Variants in CACNA1E observed in about 807,000 individuals in gnomAD.
CACNA1E encodes calcium voltage-gated channel subunit alpha1 E.
A neutral mutation model predicts 259.2 loss-of-function variants in CACNA1E; 40 were observed. The ratio of observed to expected loss-of-function variants is 0.15; its 90% CI spans 0.12 to 0.20. CACNA1E has a LOEUF of 0.20. Among genes scored for constraint, CACNA1E ranks in the 10% least tolerant of loss-of-function variants. CACNA1E has a pLI of 1.00. For synonymous variants in CACNA1E, 1,104 were observed against 1,138.5 expected (o/e 0.97, Z 0.61); for missense variants, 1,874 against 3,040.1 (o/e 0.62, Z 9.02).
intron 1 of CACNA1E, among the ~76,000 whole-genome samples, chr1:181,333,321 C>T (rs1242864057): frequency 6.6e-6 from 1 of 152,194 alleles, no homozygotes; most frequent in African/African-American, 2.4e-5. Flanking sequence ...CTGTGCCCAT[C>T]TTCTGGGGTC....
chr1:181,578,971 C>A (rs1006036398), intron 4 of CACNA1E, 101 bp from the exon 5 acceptor site: 1 of 997,406 alleles, frequency 1.0e-6, no homozygotes, highest in Non-Finnish European at 1.5e-6. Context: ...CAGAGGCAGA[C>A]GGCAGCATGG....
chr1:181,483,468 C>G (rs908478777), upstream of CACNA1E: 8 of 321,900 alleles, frequency 2.5e-5, no homozygotes, highest in Admixed American at 3.8e-4. Flanking sequence ...TGGGCACCCC[C>G]AAGCCCTACC....
chr1:181,439,386 G>A (rs1425377383), intron 2 of CACNA1E, among the ~76,000 whole-genome samples: 1 of 150,614 alleles, frequency 6.6e-6, no homozygotes, highest in East Asian at 1.9e-4. Context: ...TGCCCTGCTT[G>A]AGTAGGCCAT....
intron 1 of CACNA1E, among the ~76,000 whole-genome samples, chr1:181,406,510 C>G (rs1009143080): frequency 2.0e-5 from 3 of 152,096 alleles, no homozygotes; most frequent in African/African-American, 7.2e-5. Context: ...AATTCTCTGC[C>G]TCAGCCTCCT....
intron 7 of CACNA1E, among the ~76,000 whole-genome samples, chr1:181,705,059 G>A (rs1046340510): frequency 1.3e-5 from 2 of 152,174 alleles, no homozygotes; most frequent in South Asian, 2.1e-4. Flanking sequence ...GTGAATGACC[G>A]AAGACCCTCC....
intron 6 of CACNA1E, among the ~76,000 whole-genome samples, chr1:181,614,478 A>G (rs1174485791): frequency 6.6e-6 from 1 of 152,214 alleles, no homozygotes; most frequent in Non-Finnish European, 1.5e-5. Flanking sequence ...ACTTTTTACT[A>G]CAGCATGCAA....
chr1:181,342,084 C>T lies in CACNA1E; in HGVS notation c.-15+23961C>T, dbSNP rs74418172. 4.0e-3 allele frequency among the ~76,000 whole-genome samples: 610 copies of T among 152,214 alleles called. 1 individual carries two copies. Among genetic ancestry groups the T allele is most frequent in the South Asian group, 6.8e-3 (33 of 4,818 alleles). On this transcript the variant is annotated intron_variant, in intron 1 of 11. Transcript: ENST00000524607. ...AGTGGTCTGAGGAAGTGATATTTGACTCTAGACTTGAATGGTAAGAAGGGG... is the reference window on the plus strand; with the variant it reads ...AGTGGTCTGAGGAAGTGATATTTGATTCTAGACTTGAATGGTAAGAAGGGG...
intron 1 of CACNA1E, among the ~76,000 whole-genome samples, chr1:181,340,566 T>C (rs1020097025): frequency 6.6e-6 from 1 of 152,220 alleles, no homozygotes; most frequent in African/African-American, 2.4e-5. Flanking sequence ...TTTCCACTTG[T>C]TCAAGTTCTT....
chr1:181,780,403 A>G (rs572929618), intron 38 of CACNA1E, among the ~76,000 whole-genome samples: 26 of 152,270 alleles, frequency 1.7e-4, no homozygotes, highest in Admixed American at 3.3e-4. Flanking sequence ...CTAAGCCCCT[A>G]TGTGAGGCCA....
At chr1:181,492,524 A>G (rs1262498163) in intron 1 of CACNA1E, among the ~76,000 whole-genome samples, 1 of 152,158 alleles carries the variant, frequency 6.6e-6, no homozygotes, top group Non-Finnish European at 1.5e-5. Context: ...TCCTGGTGCA[A>G]TTGTCATGTA....
At chr1:181,600,692 G>A (rs192149876) in intron 6 of CACNA1E, among the ~76,000 whole-genome samples, 3 of 152,322 alleles carry the variant, frequency 2.0e-5, no homozygotes, top group African/African-American at 7.2e-5. Context: ...GCAAGGTCAA[G>A]AGTTGAGCTG....
chr1:181,649,029 A>G (rs762412908), intron 6 of CACNA1E, among the ~76,000 whole-genome samples: 1 of 152,238 alleles, frequency 6.6e-6, no homozygotes, highest in African/African-American at 2.4e-5. Flanking sequence ...AGAGCTAGCT[A>G]TACAAATATC....
intron 1 of CACNA1E, among the ~76,000 whole-genome samples, chr1:181,488,091 A>C (rs1230571565): frequency 1.3e-5 from 2 of 152,188 alleles, no homozygotes; most frequent in Non-Finnish European, 2.9e-5. Context: ...ATGCTTTACT[A>C]CTGTGAATCT....
chr1:181,718,264 A>G, intron 12 of CACNA1E, 97 bp downstream of exon 12: 1 of 639,864 alleles, frequency 1.6e-6, no homozygotes, highest in Non-Finnish European at 2.8e-6. Context: ...AGGCACTGAA[A>G]TCAGAATATG....
chr1:181,719,712 T>C (rs1654251702), intron 12 of CACNA1E, 39 bp from the exon 13 acceptor site: 2 of 1,163,590 alleles, frequency 1.7e-6, no homozygotes, highest in South Asian at 2.8e-5. Context: ...TCTTCTCCTC[T>C]TCCTCCTCCT....
intron 3 of CACNA1E, among the ~76,000 whole-genome samples, chr1:181,562,067 T>G (rs2102892752): frequency 6.6e-6 from 1 of 152,296 alleles, no homozygotes; most frequent in South Asian, 2.1e-4. Context: ...TTCACTTCTT[T>G]TGGCCATTTT....
In CACNA1E at chr1:181,601,796, C is replaced by G. The variant is rs529290958; in HGVS notation, c.951+21020C>G. On this transcript the variant is annotated intron_variant, in intron 6 of 47. Coordinates refer to ENST00000367573, the MANE Select transcript of CACNA1E (RefSeq NM_001205293.3). ...ATGTCCCCGCTCTGCACAGAACCCT[C>G]CAGTAGCTCCTCTTCCCTTGCTGAG... Among the ~76,000 whole-genome samples the G allele has an allele frequency of 2.0e-4, 30 of 152,272 alleles. No homozygotes were observed. The South Asian group carries it at 5.8e-3, about 29-fold the overall frequency.
intron 39 of CACNA1E, among the ~76,000 whole-genome samples, chr1:181,782,018 G>C (rs954160462): frequency 6.6e-6 from 1 of 152,180 alleles, no homozygotes; most frequent in Admixed American, 6.5e-5. Flanking sequence ...TTTTAGGAGA[G>C]AGGAAAACTC....
intron 1 of CACNA1E, among the ~76,000 whole-genome samples, chr1:181,508,559 A>C (rs1177016911): frequency 6.6e-6 from 1 of 152,182 alleles, no homozygotes; most frequent in African/African-American, 2.4e-5. Flanking sequence ...CTTATGGGAC[A>C]CTGGGTCCTT....
Sources: allele counts gnomAD v4.1 joint callset (sites outside exome capture counted in the v4.1 genomes callset), GRCh38; gene constraint gnomAD v4.1.1; transcripts MANE v1.5; gene names NCBI Gene and HGNC (gene_info 2026-07-23, HGNC 2026-07-21).